Variants in ARNT observed in about 807,000 individuals in gnomAD.
ARNT encodes the protein aryl hydrocarbon receptor nuclear translocator, also known as class E basic helix-loop-helix protein 2.
Under a neutral mutation model 105.0 loss-of-function variants are expected in ARNT, and 30 were observed. The ratio of observed to expected loss-of-function variants is 0.29; its 90% confidence interval spans 0.21 to 0.39. ARNT has a LOEUF of 0.39. ARNT is among the 10% of genes least tolerant of loss of function. ARNT has a pLI of 1.00. For missense variants in ARNT, 748 were observed against 978.7 expected (o/e 0.76, Z 3.15); for synonymous variants, 304 against 344.0 (o/e 0.88, Z 1.29).
chr1:150,862,994 T>C (rs587607306), intron 1 of ARNT, among the ~76,000 whole-genome samples: 1 of 144,654 alleles, frequency 6.9e-6, no homozygotes, highest in East Asian at 2.0e-4. Context: ...GAGGTTGCAA[T>C]GAGCCAAGAT....
chr1:150,845,007 A>G (rs1199271861), intron 4 of ARNT, among the ~76,000 whole-genome samples: 1 of 151,988 alleles, frequency 6.6e-6, no homozygotes, highest in Non-Finnish European at 1.5e-5. Context: ...ATGGGGTTTC[A>G]CCATGTTGGC....
At chr1:150,839,848 C>A (rs1384730840) in intron 5 of ARNT, among the ~76,000 whole-genome samples, 194 bp from the exon 6 acceptor site, 1 of 152,152 alleles carries the variant, frequency 6.6e-6, no homozygotes, top group Non-Finnish European at 1.5e-5. Flanking sequence ...ACTAATAAGG[C>A]AGACAGAGAA....
rs918943007 is a variant in ARNT, at chr1:150,811,261, G to A, written c.*760C>T. Reference sequence around the variant, plus strand: ...TATATTTGCTTTACAGTTGTATATTGGCTGGGCATGGATGCAAGCGCAGCA... The same window carrying A: ...TATATTTGCTTTACAGTTGTATATTAGCTGGGCATGGATGCAAGCGCAGCA... On this transcript the variant is annotated 3_prime_UTR_variant, in exon 22 of 22. Coordinates refer to ENST00000358595, the MANE Select transcript of ARNT (RefSeq NM_001668.4). 91 of 233,518 alleles carry A rather than the reference G, an allele frequency of 3.9e-4. 1 individual carries two copies. The highest frequency in any genetic ancestry group is 1.8e-4 in the South Asian group (1 of 5,516). 14.5% of individuals were successfully genotyped at this position (233,518 alleles called of 1,614,324 possible).
At chr1:150,820,296 A>G (rs1656782546) in intron 14 of ARNT, among the ~76,000 whole-genome samples, 2 of 152,360 alleles carry the variant, frequency 1.3e-5, no homozygotes, top group South Asian at 4.1e-4. Flanking sequence ...AGTCCTTTCC[A>G]GAAAGAGTTG....
intron 2 of ARNT, chr1:150,853,136 C>G: frequency 3.2e-6 from 1 of 317,450 alleles, no homozygotes; most frequent in Non-Finnish European, 6.1e-6. Flanking sequence ...CAAAAATTAG[C>G]TGGGCATGGT....
At chr1:150,842,108 C>T (rs1043855660) in intron 5 of ARNT, 2 of 197,680 alleles carry the variant, frequency 1.0e-5, no homozygotes, top group African/African-American at 4.7e-5. Context: ...GTTAAAGCAC[C>T]AACTGGCACG....
At chr1:150,824,990 T>C (rs1030560412) in intron 13 of ARNT, among the ~76,000 whole-genome samples, 1 of 152,032 alleles carries the variant, frequency 6.6e-6, no homozygotes, top group Non-Finnish European at 1.5e-5. Context: ...GCCTCCCAAG[T>C]AGCTGGGACT....
intron 1 of ARNT, among the ~76,000 whole-genome samples, chr1:150,862,665 C>A (rs1259918950): frequency 1.5e-5 from 2 of 132,224 alleles, no homozygotes; most frequent in African/African-American, 5.8e-5. Context: ...TGCTTGAGCT[C>A]AGGAGTTCAA....
chr1:150,835,823 CA>C (rs1266420020), intron 7 of ARNT, among the ~76,000 whole-genome samples: 9 of 144,244 alleles, frequency 6.2e-5, no homozygotes, highest in Non-Finnish European at 1.2e-4. Context: ...AGTACAGATA[CA>C]AACAACAACA....
rs900691347 is a variant in ARNT, at chr1:150,809,916, G to A, written c.*2105C>T. 1.3e-5 allele frequency: 3 copies of A among 224,178 alleles called. No individual in the cohort carries two copies. Among genetic ancestry groups the A allele is most frequent in the Non-Finnish European group, 2.7e-5 (3 of 112,120 alleles). 13.9% of individuals were successfully genotyped at this position (224,178 alleles called of 1,614,324 possible). A position where few individuals can be genotyped will look rare whatever the true frequency, so the allele number is the denominator to read the frequency against. ...AGGATCAGGAGGACAAGTGAGGGGG[G>A]AGGCGTGCAATGTGATCAGAACCCT... On this transcript the variant is annotated 3_prime_UTR_variant, in exon 22 of 22. Transcript: ENST00000358595.
intron 3 of ARNT, 60 bp downstream of exon 3, chr1:150,852,702 T>C (rs1244082382): frequency 1.3e-6 from 2 of 1,497,980 alleles, no homozygotes; most frequent in Non-Finnish European, 1.8e-6. Flanking sequence ...GTCAGAAGTA[T>C]AAAGATCATA....
rs1654642475 is a variant in ARNT, at chr1:150,811,155, G to A, written c.*866C>T. On this transcript the variant is annotated 3_prime_UTR_variant, in exon 22 of 22. Transcript: ENST00000358595. ...TGTTTGCAGATCTTCCAGATAAGGT[G>A]AGAGCACCAAAAGCAGCAGTAACCC... The A allele has an allele frequency of 4.3e-6, 1 of 233,498 alleles. No homozygotes were observed. Among genetic ancestry groups the A allele is most frequent in the Admixed American group, 5.6e-5 (1 of 17,758 alleles). 14.5% of individuals were successfully genotyped at this position (233,498 alleles called of 1,614,324 possible).
In ARNT at chr1:150,829,110, C is replaced by T. The variant is rs997552731; in HGVS notation, c.1150G>A (p.Val384Ile). Residue 384 changes from valine to isoleucine, a missense_variant, in exon 12 of 22, where the codon GTT (valine) becomes ATT (isoleucine). Val to Ile is a conservative substitution (Grantham distance 29). Transcript: ENST00000358595. The stretch of plus-strand genomic sequence containing the variant: ...CTCCTCACCTGTGGCTGGTAGCCAA[C>T]AGTAGCCACACAGCGGTGATCCACA... ...TFVDHRCVAT[V>I]GYQPQELLGK... 1.2e-6 allele frequency: 2 copies of T among 1,613,948 alleles called. No homozygotes were observed. Among genetic ancestry groups the T allele is most frequent in the East Asian group, 2.2e-5 (1 of 44,880 alleles).
At chr1:150,824,935 C>T (rs1198099871) in intron 13 of ARNT, among the ~76,000 whole-genome samples, 3 of 152,068 alleles carry the variant, frequency 2.0e-5, no homozygotes, top group Non-Finnish European at 4.4e-5. Context: ...AATCTTGGGT[C>T]ACTGCAACCT....
At chr1:150,876,302 A>G (rs926544061) in intron 1 of ARNT, among the ~76,000 whole-genome samples, 1 of 152,300 alleles carries the variant, frequency 6.6e-6, no homozygotes, top group South Asian at 2.1e-4. Context: ...AACGGAGGTC[A>G]GGACAGGGAG....
At chr1:150,837,067 C>CA (rs78105642) in intron 6 of ARNT, among the ~76,000 whole-genome samples, 80 of 140,458 alleles carry the variant, frequency 5.7e-4, no homozygotes, top group Admixed American at 2.1e-3. Flanking sequence ...GACCCTGTCT[C>CA]AAAAAAAAAA....
chr1:150,827,534 T>A (rs1034922224), intron 12 of ARNT, among the ~76,000 whole-genome samples: 3 of 152,252 alleles, frequency 2.0e-5, no homozygotes, highest in Non-Finnish European at 2.9e-5. Context: ...TCAGTAGTAT[T>A]CTCACATGGA....
At chr1:150,840,384 A>G (rs145679570) in intron 5 of ARNT, among the ~76,000 whole-genome samples, 1 of 152,336 alleles carries the variant, frequency 6.6e-6, no homozygotes, top group East Asian at 1.9e-4. Flanking sequence ...TAAAGGCCAG[A>G]AAATAAAAGG....
chr1:150,873,672 A>G (rs985434444), intron 1 of ARNT, among the ~76,000 whole-genome samples: 12 of 152,148 alleles, frequency 7.9e-5, no homozygotes, highest in African/African-American at 2.9e-4. Flanking sequence ...TAATCCCAGC[A>G]GTTTAGGAGG....
Sources: allele counts gnomAD v4.1 joint callset (sites outside exome capture counted in the v4.1 genomes callset), GRCh38; gene constraint gnomAD v4.1.1; transcripts MANE v1.5; gene names NCBI Gene and HGNC (gene_info 2026-07-23, HGNC 2026-07-21).